The following UVRAG variants were observed in gnomAD, a reference collection of about 807,000 sequenced individuals.
UVRAG encodes the protein UV radiation resistance associated, also known as UV radiation resistance-associated gene protein.
UVRAG carries 19 observed loss-of-function variants against 78.0 expected under a neutral mutation model. The observed-to-expected ratio is 0.24, with a 90% confidence interval of 0.17 to 0.36. The LOEUF is 0.36. Ranked by LOEUF, UVRAG falls within the 10% of genes least tolerant of loss-of-function variation. The pLI, the probability that UVRAG is intolerant of heterozygous loss-of-function variation, is 1.00. For missense variants in UVRAG, 740 were observed against 853.8 expected (o/e 0.87, Z 1.66); for synonymous variants, 323 against 324.6 (o/e 1.00, Z 0.05).
Position 76,120,726 on chromosome 11 carries a change from C to G in UVRAG, c.1397+4711C>G, listed in dbSNP as rs1473791623. ...GCACTGCAAAATGAATGCTACATATCAGTTCCAAGTAAAGATCACGGCAGG... is the reference window on the plus strand; with the variant it reads ...GCACTGCAAAATGAATGCTACATATGAGTTCCAAGTAAAGATCACGGCAGG... On this transcript the variant is annotated intron_variant, in intron 14 of 14. Transcript: ENST00000356136. 2.0e-5 allele frequency among the ~76,000 whole-genome samples: 3 copies of G among 152,148 alleles called. No individual in the cohort carries two copies. The East Asian group carries it at 5.8e-4, about 29-fold the overall frequency.
At chr11:75,851,009 G>T (rs1047504483) in intron 1 of UVRAG, among the ~76,000 whole-genome samples, 5 of 152,158 alleles carry the variant, frequency 3.3e-5, no homozygotes, top group African/African-American at 1.2e-4. Context: ...TTCAGCCTGC[G>T]GGAGAGCTTT....
intron 14 of UVRAG, among the ~76,000 whole-genome samples, chr11:76,133,102 T>C (rs1952540907): frequency 6.6e-6 from 1 of 152,224 alleles, no homozygotes; most frequent in Admixed American, 6.5e-5. Flanking sequence ...ATAAAGCTGT[T>C]AACAGAGTGC....
chr11:75,897,991 C>T (rs917976540), intron 5 of UVRAG, among the ~76,000 whole-genome samples: 4 of 150,276 alleles, frequency 2.7e-5, no homozygotes, highest in Non-Finnish European at 5.9e-5. Context: ...CTCTCAGCCT[C>T]CCGAGTGGCT....
intron 13 of UVRAG, among the ~76,000 whole-genome samples, chr11:76,113,223 A>T (rs1952112353): frequency 6.6e-6 from 1 of 152,238 alleles, no homozygotes; most frequent in Non-Finnish European, 1.5e-5. Context: ...AAAATATGAT[A>T]TTGAATGTAT....
chr11:75,999,877 T>C (rs1466305387), intron 8 of UVRAG, among the ~76,000 whole-genome samples: 2 of 152,118 alleles, frequency 1.3e-5, no homozygotes, highest in Non-Finnish European at 2.9e-5. Flanking sequence ...GTATGTATAA[T>C]GCAAATATTC....
chr11:75,974,523 C>T lies in UVRAG; in HGVS notation c.700-8864C>T, dbSNP rs375300233. On this transcript the variant is annotated intron_variant, in intron 7 of 14. Coordinates refer to ENST00000356136, the MANE Select transcript of UVRAG (RefSeq NM_003369.4). ...CTGGGACTACAGGCACCCGCCACCG[C>T]GCCCGGCTAATTTTTTGTATTTTTA... Among the ~76,000 whole-genome samples the T allele has an allele frequency of 5.3e-5, 8 of 151,302 alleles. No individual in the cohort carries two copies. In the South Asian group the frequency reaches 1.3e-3, roughly 24 times the overall value.
intron 12 of UVRAG, among the ~76,000 whole-genome samples, chr11:76,048,805 G>C (rs1950810721): frequency 6.6e-6 from 1 of 152,214 alleles, no homozygotes; most frequent in Admixed American, 6.5e-5. Flanking sequence ...GGCTTTTTAT[G>C]ATAGATGATC....
intron 6 of UVRAG, among the ~76,000 whole-genome samples, chr11:75,941,417 T>A (rs1948481425): frequency 6.6e-6 from 1 of 152,134 alleles, no homozygotes; most frequent in Admixed American, 6.6e-5. Context: ...TTACTACAGG[T>A]TGAGCATCCC....
intron 6 of UVRAG, among the ~76,000 whole-genome samples, chr11:75,926,336 C>T (rs1016611273): frequency 1.3e-5 from 2 of 152,194 alleles, no homozygotes; most frequent in African/African-American, 4.8e-5. Flanking sequence ...TGTTCTTAGG[C>T]TTCTGTTCCT....
chr11:75,962,799 T>G (rs1288316326), intron 7 of UVRAG, among the ~76,000 whole-genome samples: 1 of 152,162 alleles, frequency 6.6e-6, no homozygotes, highest in East Asian at 1.9e-4. Context: ...ATTTTTGTTT[T>G]CCTCTCCCAA....
At chr11:76,106,827 G>A (rs553464009) in intron 13 of UVRAG, among the ~76,000 whole-genome samples, 1 of 152,204 alleles carries the variant, frequency 6.6e-6, no homozygotes, top group Admixed American at 6.5e-5. Flanking sequence ...GGGCCTGCTG[G>A]ACCTGCTGAA....
intron 5 of UVRAG, among the ~76,000 whole-genome samples, chr11:75,891,289 A>T (rs1010481579): frequency 7.9e-5 from 12 of 152,148 alleles, no homozygotes; most frequent in Non-Finnish European, 1.8e-4. Flanking sequence ...TTGCTTAGTA[A>T]AAGTGTTTGT....
At chr11:75,970,545 A>T (rs1171552953) in intron 7 of UVRAG, among the ~76,000 whole-genome samples, 1 of 152,120 alleles carries the variant, frequency 6.6e-6, no homozygotes, top group Non-Finnish European at 1.5e-5. Context: ...ATCCTGGCTA[A>T]CATGGTGAAA....
At chr11:76,058,594 C>T (rs961218438) in intron 12 of UVRAG, among the ~76,000 whole-genome samples, 14 of 150,834 alleles carry the variant, frequency 9.3e-5, no homozygotes, top group Non-Finnish European at 1.6e-4. Context: ...ATTTTGGTCA[C>T]TTCTTTAAAT....
At chr11:75,832,979 G>A (rs75993725) in intron 1 of UVRAG, among the ~76,000 whole-genome samples, 7,727 of 152,220 alleles carry the variant, frequency 0.051, 681 homozygotes, top group African/African-American at 0.18. Context: ...TATCATACCA[G>A]TGTCACAGAG....
intron 8 of UVRAG, among the ~76,000 whole-genome samples, chr11:75,998,225 T>C (rs1424129574): frequency 2.6e-5 from 4 of 152,184 alleles, no homozygotes; most frequent in Non-Finnish European, 5.9e-5. Context: ...AGGCTTTTTA[T>C]GGAAATAAAT....
intron 13 of UVRAG, among the ~76,000 whole-genome samples, chr11:76,085,063 CAAAAAAAA>C (rs781218840): frequency 4.0e-4 from 20 of 49,614 alleles, no homozygotes; most frequent in Non-Finnish European, 9.8e-4. Flanking sequence ...GACCCTGTCT[CAAAAAAAA>C]AAAAAAAAAA....
chr11:75,977,457 T>A (rs944058514), intron 7 of UVRAG, among the ~76,000 whole-genome samples: 1 of 152,210 alleles, frequency 6.6e-6, no homozygotes, highest in African/African-American at 2.4e-5. Flanking sequence ...ATCTGTCTAA[T>A]GTTGACAGTG....
At position 76,141,695 on chromosome 11, in the gene UVRAG, TTGTC is replaced by T. The variant is rs1273026076; in HGVS notation, c.*285_*288del. On this transcript the variant is annotated 3_prime_UTR_variant, in exon 15 of 15. Coordinates refer to ENST00000356136, the MANE Select transcript of UVRAG (RefSeq NM_003369.4). ...ACAGCTCGAGTCACCTTTTAGCTAT[TTGTC>T]TGCTTTTTATTTACCCTTGTATGTT... The T allele has an allele frequency of 4.8e-6, 2 of 415,574 alleles. No homozygotes were observed. The highest frequency in any genetic ancestry group is 8.7e-6 in the Non-Finnish European group (2 of 230,810). The allele number at this position is 415,574 out of a possible 1,614,324, so 25.7% of individuals were successfully genotyped here.
Sources: allele counts gnomAD v4.1 joint callset (sites outside exome capture counted in the v4.1 genomes callset), GRCh38; gene constraint gnomAD v4.1.1; transcripts MANE v1.5; gene names NCBI Gene and HGNC (gene_info 2026-07-23, HGNC 2026-07-21).